Variants in GGPS1 observed in about 807,000 individuals in gnomAD.
The protein encoded by GGPS1 is geranylgeranyl pyrophosphate synthase.
A neutral mutation model predicts 28.1 loss-of-function variants in GGPS1; 15 were observed. That is an observed-to-expected ratio of 0.53 (90% CI 0.36 to 0.82). The LOEUF is 0.82. GGPS1 is among the 40% of genes least tolerant of loss of function. The pLI is 0.01. For synonymous variants in GGPS1, 138 were observed against 122.4 expected, an observed-to-expected ratio of 1.13 and a Z score of -0.84; for missense variants, 284 against 348.3, an observed-to-expected ratio of 0.82 and a Z score of 1.47.
At chr1:235,335,507 A>G (rs1173995278) in intron 2 of GGPS1, among the ~76,000 whole-genome samples, 173 bp downstream of exon 2, 2 of 152,120 alleles carry the variant, frequency 1.3e-5, no homozygotes, top group African/African-American at 4.8e-5. Flanking sequence ...TTAAAAGGTA[A>G]TTTTTGCCAG....
At chr1:235,333,598 A>G (rs1485123031) in intron 1 of GGPS1, among the ~76,000 whole-genome samples, 2 of 152,042 alleles carry the variant, frequency 1.3e-5, no homozygotes, top group African/African-American at 2.4e-5. Context: ...CCTTTGAGCA[A>G]TCAGAATAAC....
chr1:235,342,928 C>T lies in GGPS1; in HGVS notation c.*156C>T, dbSNP rs1676097606. The stretch of plus-strand genomic sequence containing the variant: ...GTGAATTCGTTTTCATTTAGAAGCC[C>T]CTCTGTACAGATAATCAAAATTCAA... On this transcript the variant is annotated 3_prime_UTR_variant, in exon 4 of 4. Coordinates refer to ENST00000282841, the MANE Select transcript of GGPS1 (RefSeq NM_004837.4). 3.8e-6 allele frequency: 2 copies of T among 524,808 alleles called. No individual in the cohort carries two copies. The highest frequency in any genetic ancestry group is 7.4e-5 in the Admixed American group (2 of 27,154). 32.5% of individuals were successfully genotyped at this position (524,808 alleles called of 1,614,324 possible).
intron 1 of GGPS1, among the ~76,000 whole-genome samples, chr1:235,332,440 A>G (rs1163934488): frequency 1.3e-5 from 2 of 151,204 alleles, no homozygotes; most frequent in Non-Finnish European, 3.0e-5. Context: ...TTGTATATAT[A>G]CCACATTTTC....
chr1:235,342,108 A>G lies in GGPS1; in HGVS notation c.239A>G (p.His80Arg). 1.2e-6 allele frequency: 2 copies of G among 1,613,978 alleles called. No homozygotes were observed. Among genetic ancestry groups the G allele is most frequent in the Non-Finnish European group, 1.7e-6 (2 of 1,179,830 alleles). Residue 80 changes from histidine (H) to arginine (R), a missense_variant, in exon 4 of 4, where the codon CAC becomes CGC. Physicochemically the swap from His to Arg is conservative, Grantham distance 29. Transcript: ENST00000282841. Reference sequence around the variant, plus strand: ...CTCCGACGTGGCTTTCCAGTGGCCCACAGCATCTATGGAATCCCATCTGTC... The same window carrying G: ...CTCCGACGTGGCTTTCCAGTGGCCCGCAGCATCTATGGAATCCCATCTGTC... ...SKLRRGFPVA[H>R]SIYGIPSVIN...
At chr1:235,341,432 G>C (rs1417013511) in intron 2 of GGPS1, among the ~76,000 whole-genome samples, 5 of 152,196 alleles carry the variant, frequency 3.3e-5, no homozygotes, top group Admixed American at 3.3e-4. Context: ...AAGTTCAGAT[G>C]AAAAGAGTGG....
In GGPS1 at chr1:235,342,911, G is replaced by A. The variant is rs1290982709; in HGVS notation, c.*139G>A. On this transcript the variant is annotated 3_prime_UTR_variant, in exon 4 of 4. Coordinates refer to ENST00000282841, the MANE Select transcript of GGPS1 (RefSeq NM_004837.4). ...GAGTAGGGGTGGTGCAAGTGAATTC[G>A]TTTTCATTTAGAAGCCCCTCTGTAC... The A allele has an allele frequency of 1.2e-5, 7 of 598,404 alleles. No individual in the cohort carries two copies. Among genetic ancestry groups the A allele is most frequent in the Non-Finnish European group, 2.1e-5 (7 of 337,348 alleles). 37.1% of individuals were successfully genotyped at this position (598,404 alleles called of 1,614,324 possible).
rs557003076 is a variant in GGPS1 at position 235,343,179 on chromosome 1, A to T, written c.*407A>T. 5.9e-6 allele frequency: 1 copy of T among 169,230 alleles called. No individual in the cohort carries two copies. Among genetic ancestry groups the T allele is most frequent in the Admixed American group, 6.5e-5 (1 of 15,372 alleles). 10.5% of individuals were successfully genotyped at this position (169,230 alleles called of 1,614,324 possible). A position where few individuals can be genotyped will look rare whatever the true frequency, so the allele number is the denominator to read the frequency against. On this transcript the variant is annotated 3_prime_UTR_variant, in exon 4 of 4. Coordinates refer to ENST00000282841, the MANE Select transcript of GGPS1 (RefSeq NM_004837.4). ...TTAGCTAGCTGGACCAAAGACCACA[A>T]ATCTCTTTTTTTCCTAAACGCTGCT...
Position 235,342,544 on chromosome 1 carries a change from T to C in GGPS1, c.675T>C (p.Pro225=), listed in dbSNP as rs1221581424. The C allele has an allele frequency of 6.2e-7, 1 of 1,612,644 alleles. No individual in the cohort carries two copies. Among genetic ancestry groups the C allele is most frequent in the Non-Finnish European group, 8.5e-7 (1 of 1,178,690 alleles). ...CTATTCATGCTATTTGGTCAAGGCC[T>C]GAAAGCACCCAGGTGCAGAATATCT... is the stretch of plus-strand genomic sequence containing the variant. ...FPTIHAIWSR[P]ESTQVQNILR... Residue 225 remains proline (P), a synonymous_variant, in exon 4 of 4, where the codon CCT becomes CCC. Coordinates refer to ENST00000282841, the MANE Select transcript of GGPS1 (RefSeq NM_004837.4).
chr1:235,330,190 G>A (rs1675665293), intron 1 of GGPS1: 2 of 152,178 alleles, frequency 1.3e-5, no homozygotes. Flanking sequence ...AGACTCTTAA[G>A]AAGACACAAG....
Position 235,343,019 on chromosome 1 carries a change from A to G in GGPS1, c.*247A>G. On this transcript the variant is annotated 3_prime_UTR_variant, in exon 4 of 4. Transcript: ENST00000282841. ...ATTTGAATGTCATAATTGCAGTGAC[A>G]GGACATTGCCACCAACTCTATCCTA... is the stretch of plus-strand genomic sequence containing the variant. 3.1e-6 allele frequency: 1 copy of G among 323,364 alleles called. No homozygotes were observed. Among genetic ancestry groups the G allele is most frequent in the Non-Finnish European group, 5.9e-6 (1 of 168,352 alleles). 20.0% of individuals were successfully genotyped at this position (323,364 alleles called of 1,614,324 possible). A position where few individuals can be genotyped will look rare whatever the true frequency, so the allele number is the denominator to read the frequency against.
upstream of GGPS1, chr1:235,328,508 C>CA (rs1553322620): frequency 6.4e-5 from 9 of 141,402 alleles, no homozygotes; most frequent in Admixed American, 3.5e-4. Context: ...GGTGCGGGGG[C>CA]GGGGGGGAGG....
chr1:235,340,992 AC>A (rs545899608), intron 2 of GGPS1, among the ~76,000 whole-genome samples: 199 of 152,240 alleles, frequency 1.3e-3, no homozygotes, highest in African/African-American at 4.5e-3. Context: ...TATTAACAGT[AC>A]CTATAGTTAT....
chr1:235,341,984 A>C (rs768446986), intron 3 of GGPS1, 27 bp from the exon 4 acceptor site: 4 of 1,373,478 alleles, frequency 2.9e-6, no homozygotes, highest in Non-Finnish European at 4.0e-6. Flanking sequence ...TAGTTCAAAT[A>C]AGTGAAATTT....
chr1:235,331,630 C>CTT (rs574821998), intron 1 of GGPS1, among the ~76,000 whole-genome samples: 26 of 131,780 alleles, frequency 2.0e-4, no homozygotes, highest in African/African-American at 5.5e-4. Context: ...ATACACCGGG[C>CTT]TTTTTTTTTT....
chr1:235,332,882 A>G (rs150811484), intron 1 of GGPS1, among the ~76,000 whole-genome samples: 76 of 152,154 alleles, frequency 5.0e-4, no homozygotes, highest in African/African-American at 1.7e-3. Context: ...AAATCGAGGA[A>G]CACTGGTGAA....
At chr1:235,330,643 T>G (rs1302444007) in intron 1 of GGPS1, 1 of 152,224 alleles carries the variant, frequency 6.6e-6, no homozygotes, top group Non-Finnish European at 1.5e-5. Context: ...AAAGGAAATA[T>G]TTTTTAAAGC....
intron 2 of GGPS1, among the ~76,000 whole-genome samples, chr1:235,340,493 T>C (rs1676002548): frequency 6.7e-6 from 1 of 149,046 alleles, no homozygotes; most frequent in Non-Finnish European, 1.5e-5. Context: ...TCCCAGCACT[T>C]TGGGAGGCCG....
chr1:235,335,285 A>G lies in GGPS1; in HGVS notation c.21A>G (p.Thr7=). Residue 7 remains threonine, a synonymous_variant, in exon 2 of 4, where the codon ACA becomes ACG. Transcript: ENST00000282841. ...ATCCAATGGAGAAGACTCAAGAAAC[A>G]GTCCAAAGAATTCTTCTAGAACCCT... MEKTQE[T]VQRILLEPYK... is the part of the protein sequence containing the mutation. 6.4e-7 allele frequency: 1 copy of G among 1,552,714 alleles called. No homozygotes were observed. The highest frequency in any genetic ancestry group is 1.1e-5 in the South Asian group (1 of 89,072).
chr1:235,338,542 A>T (rs1299940153), intron 2 of GGPS1, among the ~76,000 whole-genome samples: 1 of 152,168 alleles, frequency 6.6e-6, no homozygotes, highest in Non-Finnish European at 1.5e-5. Context: ...GAAATTTCAC[A>T]TTGAGACTCT....
Sources: allele counts gnomAD v4.1 joint callset (sites outside exome capture counted in the v4.1 genomes callset), GRCh38; gene constraint gnomAD v4.1.1; transcripts MANE v1.5; gene names NCBI Gene and HGNC (gene_info 2026-07-23, HGNC 2026-07-21).